PRKD1: variants seen among roughly 807,000 people sequenced by gnomAD.
The protein encoded by PRKD1 is protein kinase D1, also known as serine/threonine-protein kinase D1.
Under a neutral mutation model 95.9 loss-of-function variants are expected in PRKD1, and 63 were observed. The ratio of observed to expected loss-of-function variants is 0.66; its 90% CI spans 0.54 to 0.81. The LOEUF is 0.81. PRKD1 is among the 30% of genes least tolerant of loss of function. The probability of loss-of-function intolerance (pLI) is 0.00; values close to 1 mark genes in which losing one functional copy is unlikely to be tolerated. For missense variants in PRKD1, 1,048 were observed against 1,165.3 expected, an observed-to-expected ratio of 0.90 and a Z score of 1.47; for synonymous variants, 425 against 423.1, an observed-to-expected ratio of 1.00 and a Z score of -0.05.
chr14:29,793,890 G>A (rs1160261453), intron 1 of PRKD1, among the ~76,000 whole-genome samples: 1 of 152,022 alleles, frequency 6.6e-6, no homozygotes, highest in Non-Finnish European at 1.5e-5. Context: ...AAGCAAGCTA[G>A]GGTAGTACCT....
chr14:29,705,490 A>T (rs2139339615), intron 2 of PRKD1, among the ~76,000 whole-genome samples: 1 of 151,892 alleles, frequency 6.6e-6, no homozygotes, highest in Non-Finnish European at 1.5e-5. Context: ...TATAATTCAC[A>T]TCCTATACAA....
Position 29,826,844 on chromosome 14 carries a change from C to CACACATATATAT in PRKD1, c.264+100404_264+100405insATATATATGTGT, listed in dbSNP as rs1323754040. Among the ~76,000 whole-genome samples, 2 of 28,666 alleles carry CACACATATATAT rather than the reference C, an allele frequency of 7.0e-5. 1 individual carries two copies. The highest frequency in any genetic ancestry group is 2.4e-4 in the African/African-American group (2 of 8,240). The allele number at this position is 28,666 out of a possible 152,430, so 18.8% of individuals were successfully genotyped here. ...ATATATATATATATATATATACACA[C>CACACATATATAT]ATATATATATATATATATATATATA... On this transcript the variant is annotated intron_variant, in intron 1 of 17. Coordinates refer to ENST00000331968, the MANE Select transcript of PRKD1 (RefSeq NM_002742.3).
intron 1 of PRKD1, among the ~76,000 whole-genome samples, chr14:29,805,006 C>T (rs1890178617): frequency 6.6e-6 from 1 of 152,118 alleles, no homozygotes; most frequent in African/African-American, 2.4e-5. Flanking sequence ...TTCCTATTTC[C>T]CTAGAGCAGA....
chr14:29,676,180 TTTG>T (rs1432383742), intron 2 of PRKD1, among the ~76,000 whole-genome samples: 2,531 of 116,220 alleles, frequency 0.022, 122 homozygotes, highest in African/African-American at 0.068. Context: ...TCATTACGTT[TTTG>T]TTTTTTTTTT....
intron 1 of PRKD1, among the ~76,000 whole-genome samples, chr14:29,829,837 C>T (rs935983594): frequency 6.6e-6 from 1 of 152,130 alleles, no homozygotes; most frequent in African/African-American, 2.4e-5. Flanking sequence ...TTCAAAATTT[C>T]ATTTGCATAT....
intron 1 of PRKD1, among the ~76,000 whole-genome samples, chr14:29,875,312 A>T (rs561098965): frequency 2.0e-5 from 3 of 152,266 alleles, no homozygotes; most frequent in South Asian, 4.1e-4. Context: ...AATAATATGT[A>T]AAAAAATGCT....
chr14:29,917,457 C>T (rs1167301458), intron 1 of PRKD1, among the ~76,000 whole-genome samples: 1 of 151,872 alleles, frequency 6.6e-6, no homozygotes, highest in Non-Finnish European at 1.5e-5. Flanking sequence ...AGCAAAAATT[C>T]CTAGTCAAAA....
At chr14:29,628,235 A>C (rs963463133) in intron 11 of PRKD1, among the ~76,000 whole-genome samples, 1 of 152,236 alleles carries the variant, frequency 6.6e-6, no homozygotes, top group African/African-American at 2.4e-5. Context: ...TCAGAAATAT[A>C]ATAAGGATGA....
At chr14:29,682,572 A>T (rs1051920469) in intron 2 of PRKD1, among the ~76,000 whole-genome samples, 1 of 152,176 alleles carries the variant, frequency 6.6e-6, no homozygotes, top group African/African-American at 2.4e-5. Flanking sequence ...CCACTGCATT[A>T]TTCATTCAAA....
intron 2 of PRKD1, among the ~76,000 whole-genome samples, chr14:29,693,927 C>T (rs913745789): frequency 1.1e-4 from 17 of 152,170 alleles, no homozygotes; most frequent in Non-Finnish European, 2.4e-4. Context: ...AATCCGCCTC[C>T]TACTGGTCTT....
intron 1 of PRKD1, among the ~76,000 whole-genome samples, chr14:29,837,601 A>G (rs1459076397): frequency 6.6e-6 from 1 of 152,226 alleles, no homozygotes; most frequent in Non-Finnish European, 1.5e-5. Flanking sequence ...TTTATAATCT[A>G]TGGCTTTGTC....
intron 1 of PRKD1, among the ~76,000 whole-genome samples, chr14:29,755,354 T>A (rs1887650282): frequency 6.6e-6 from 1 of 152,198 alleles, no homozygotes; most frequent in African/African-American, 2.4e-5. Context: ...TATAAGCATT[T>A]CTCTAGGTTT....
At chr14:29,657,023 TA>T (rs1881889221) in intron 4 of PRKD1, among the ~76,000 whole-genome samples, 1 of 152,214 alleles carries the variant, frequency 6.6e-6, no homozygotes, top group African/African-American at 2.4e-5. Flanking sequence ...TTTCCAAACC[TA>T]GAAAGTCCAA....
chr14:29,630,804 T>C lies in PRKD1; in HGVS notation c.1610A>G (p.Gln537Arg). 1 of 1,614,140 alleles carries C rather than the reference T, an allele frequency of 6.2e-7. No individual in the cohort carries two copies. The highest frequency in any genetic ancestry group is 2.2e-5 in the East Asian group (1 of 44,868). The change falls in exon 10 of 18, where the codon CAG becomes CGG. Residue 537 changes from glutamine to arginine, a missense_variant. Gln to Arg is a conservative substitution (Grantham distance 43). Around this residue, in one of 3 missense-constraint regions of PRKD1, gnomAD observed 739 missense variants for 861.9 expected, o/e 0.86. Coordinates refer to ENST00000331968, the MANE Select transcript of PRKD1 (RefSeq NM_002742.3). ...GGGAATGACGGGCATAAGGGCATGC[T>C]GGATGGCTATCTCCCACATCCTGGC... is the stretch of plus-strand genomic sequence containing the variant. Reference protein sequence around the residue: ...DVARMWEIAIQHALMPVIPKG... With the variant: ...DVARMWEIAIRHALMPVIPKG...
At chr14:29,735,666 C>T (rs1283962103) in intron 1 of PRKD1, among the ~76,000 whole-genome samples, 1 of 152,218 alleles carries the variant, frequency 6.6e-6, no homozygotes, top group Non-Finnish European at 1.5e-5. Context: ...AAGGGTTCTA[C>T]CAGCTCAGCA....
At chr14:29,651,502 TAAA>T (rs1213919538) in intron 4 of PRKD1, among the ~76,000 whole-genome samples, 6 of 152,266 alleles carry the variant, frequency 3.9e-5, no homozygotes, top group Admixed American at 3.3e-4. Context: ...AGGGGTTCAG[TAAA>T]ATAATGTATC....
At chr14:29,691,301 T>C (rs1439143448) in intron 2 of PRKD1, among the ~76,000 whole-genome samples, 3 of 152,200 alleles carry the variant, frequency 2.0e-5, no homozygotes, top group African/African-American at 7.2e-5. Flanking sequence ...TTAACTTGTG[T>C]TTGCACAATG....
At chr14:29,629,332 T>C (rs1879832287) in intron 10 of PRKD1, among the ~76,000 whole-genome samples, 1 of 152,218 alleles carries the variant, frequency 6.6e-6, no homozygotes, top group African/African-American at 2.4e-5. Context: ...CAGAAGGACT[T>C]GGATTCAAAT....
chr14:29,778,540 G>A (rs1277642710), intron 1 of PRKD1, among the ~76,000 whole-genome samples: 1 of 152,136 alleles, frequency 6.6e-6, no homozygotes, highest in East Asian at 1.9e-4. Context: ...AAATCTAGAA[G>A]AAATAGATAA....
Sources: allele counts gnomAD v4.1 joint callset (sites outside exome capture counted in the v4.1 genomes callset), GRCh38; gene constraint gnomAD v4.1.1; regional missense constraint gnomAD v4.1.1; transcripts MANE v1.5; gene names NCBI Gene and HGNC (gene_info 2026-07-23, HGNC 2026-07-21).